UBR1: variants seen among roughly 807,000 people sequenced by gnomAD.
UBR1 encodes E3 ubiquitin-protein ligase UBR1.
In UBR1, 102 loss-of-function variants were observed where a neutral mutation model predicts 242.1. The observed-to-expected ratio is 0.42, with a 90% CI of 0.36 to 0.50. The LOEUF (loss-of-function observed/expected upper bound fraction) is 0.50, where lower values mean the gene tolerates loss of function less well. UBR1 is among the 20% of genes least tolerant of loss of function. UBR1 has a pLI of 0.01. For missense variants in UBR1, 1,772 were observed against 2,101.8 expected (o/e 0.84, Z 3.07); for synonymous variants, 675 against 684.8 (o/e 0.99, Z 0.22).
intron 15 of UBR1, among the ~76,000 whole-genome samples, chr15:43,041,183 G>C (rs975064975): frequency 1.3e-5 from 2 of 152,126 alleles, no homozygotes; most frequent in Non-Finnish European, 2.9e-5. Context: ...GCAAAGACTT[G>C]GAACCAACCC....
At position 43,007,125 on chromosome 15, in the gene UBR1, A is replaced by C; in HGVS notation, c.3369T>G (p.Ser1123=). 6.2e-7 allele frequency: 1 copy of C among 1,614,172 alleles called. No individual in the cohort carries two copies. The highest frequency in any genetic ancestry group is 8.5e-7 in the Non-Finnish European group (1 of 1,180,032). ...AMVLSACVQK[S]TALTQHRGKP... ...TTCCCCTGTGCTGGGTTAAGGCAGT[A>C]GATTTCTGGACACAGGCCGATAATA... Residue 1123 remains serine (S), a synonymous_variant, in exon 30 of 47, where the codon TCT becomes TCG. Coordinates refer to ENST00000290650, the MANE Select transcript of UBR1 (RefSeq NM_174916.3).
chr15:43,032,403 A>G (rs2033268697), intron 20 of UBR1, among the ~76,000 whole-genome samples, 165 bp downstream of exon 20: 1 of 152,228 alleles, frequency 6.6e-6, no homozygotes, highest in African/African-American at 2.4e-5. Context: ...AACATTTACA[A>G]ATCAGGTACT....
chr15:42,983,701 T>C (rs2032415872), intron 37 of UBR1, among the ~76,000 whole-genome samples, 196 bp downstream of exon 37: 1 of 148,188 alleles, frequency 6.7e-6, no homozygotes, highest in South Asian at 2.1e-4. Flanking sequence ...ATAATAATAA[T>C]ATCACAAGTT....
At chr15:43,003,666 T>C (rs574399302) in intron 31 of UBR1, among the ~76,000 whole-genome samples, 171 bp downstream of exon 31, 1 of 152,354 alleles carries the variant, frequency 6.6e-6, no homozygotes, top group East Asian at 1.9e-4. Context: ...CACACCACTT[T>C]CCAACTTTGA....
intron 43 of UBR1, among the ~76,000 whole-genome samples, chr15:42,960,268 C>T (rs1456867476): frequency 6.6e-6 from 1 of 152,106 alleles, no homozygotes; most frequent in African/African-American, 2.4e-5. Flanking sequence ...GTATATCTTG[C>T]TTTATTCTAA....
intron 30 of UBR1, among the ~76,000 whole-genome samples, chr15:43,006,016 C>T (rs1382373279): frequency 6.7e-6 from 1 of 148,368 alleles, no homozygotes; most frequent in African/African-American, 2.5e-5. Context: ...ATCTGCTGAC[C>T]TTCCCTCCAC....
intron 21 of UBR1, 112 bp downstream of exon 21, chr15:43,029,832 G>T: frequency 8.2e-7 from 1 of 1,219,108 alleles, no homozygotes. Context: ...ACATCTATAA[G>T]GTAATGATAT....
At chr15:43,055,368 A>G (rs1432793422) in intron 11 of UBR1, among the ~76,000 whole-genome samples, 2 of 151,902 alleles carry the variant, frequency 1.3e-5, no homozygotes, top group Non-Finnish European at 2.9e-5. Flanking sequence ...CGCTTGAACC[A>G]GGAGGCGGAG....
Position 42,944,952 on chromosome 15 carries a change from C to A in UBR1, c.*377G>T, listed in dbSNP as rs906846560. 3.1e-5 allele frequency: 8 copies of A among 258,784 alleles called. No homozygotes were observed. Among genetic ancestry groups the A allele is most frequent in the African/African-American group, 1.8e-4 (8 of 44,118 alleles). 16.0% of individuals were successfully genotyped at this position (258,784 alleles called of 1,614,324 possible). A position where few individuals can be genotyped will look rare whatever the true frequency, so the allele number is the denominator to read the frequency against. On this transcript the variant is annotated 3_prime_UTR_variant, in exon 47 of 47. Coordinates refer to ENST00000290650, the MANE Select transcript of UBR1 (RefSeq NM_174916.3). ...TGTCAGTGATCCAATGTCAGTTGAA[C>A]TAAACTTGGGGGGAAAACACCAAAT... is the stretch of plus-strand genomic sequence containing the variant.
At chr15:43,029,330 C>T (rs1230084039) in intron 21 of UBR1, among the ~76,000 whole-genome samples, 1 of 152,104 alleles carries the variant, frequency 6.6e-6, no homozygotes, top group Non-Finnish European at 1.5e-5. Flanking sequence ...GAGAATGTAC[C>T]TTGCAGACAT....
intron 44 of UBR1, among the ~76,000 whole-genome samples, chr15:42,957,764 A>G (rs765804165): frequency 6.6e-5 from 10 of 152,188 alleles, no homozygotes; most frequent in East Asian, 1.9e-4. Flanking sequence ...TAGTTTCACT[A>G]CTTGGGAGAT....
At chr15:43,016,324 A>G (rs1243642361) in intron 28 of UBR1, among the ~76,000 whole-genome samples, 2 of 152,152 alleles carry the variant, frequency 1.3e-5, no homozygotes, top group East Asian at 3.8e-4. Context: ...TTTCTATTCA[A>G]ATTTACATCG....
At chr15:42,971,858 A>G (rs781737386) in intron 39 of UBR1, among the ~76,000 whole-genome samples, 6 of 152,186 alleles carry the variant, frequency 3.9e-5, no homozygotes, top group Non-Finnish European at 7.3e-5. Context: ...TTTTTAATTA[A>G]TACACTTTAT....
Position 42,990,019 on chromosome 15 carries a change from T to C in UBR1, c.3848+11A>G. On this transcript the variant is annotated intron_variant, in intron 34 of 46. Coordinates refer to ENST00000290650, the MANE Select transcript of UBR1 (RefSeq NM_174916.3). ...CATTTACAAAGTTCTCTTAACTATT[T>C]AGATACTTACGAAGACTCAACGCCA... 3.8e-6 allele frequency: 6 copies of C among 1,592,060 alleles called. No individual in the cohort carries two copies. Among genetic ancestry groups the C allele is most frequent in the Middle Eastern group, 1.7e-4 (1 of 5,960 alleles).
At chr15:43,069,554 C>T (rs1369521045) in intron 5 of UBR1, among the ~76,000 whole-genome samples, 2 of 152,234 alleles carry the variant, frequency 1.3e-5, no homozygotes, top group African/African-American at 2.4e-5. Flanking sequence ...GGATTACAGG[C>T]GTGAGCCGCC....
At chr15:43,054,979 T>C in intron 11 of UBR1, 80 bp from the exon 12 acceptor site, 1 of 1,462,818 alleles carries the variant, frequency 6.8e-7, no homozygotes, top group Non-Finnish European at 9.5e-7. Context: ...ATTTGGTTAG[T>C]CAGTATGTCA....
At chr15:42,951,784 A>G (rs1329118366) in intron 45 of UBR1, among the ~76,000 whole-genome samples, 1 of 151,592 alleles carries the variant, frequency 6.6e-6, no homozygotes. Context: ...ATGCCTGGCT[A>G]ATTTTTTATA....
intron 23 of UBR1, 172 bp from the exon 24 acceptor site, chr15:43,025,601 T>C: frequency 3.3e-6 from 2 of 600,662 alleles, no homozygotes; most frequent in Admixed American, 2.9e-5. Flanking sequence ...AGAAACCTAA[T>C]GCAAAATAGA....
intron 24 of UBR1, 52 bp downstream of exon 24, chr15:43,025,329 T>C (rs1172835055): frequency 6.4e-7 from 1 of 1,551,018 alleles, no homozygotes; most frequent in South Asian, 1.1e-5. Flanking sequence ...TTTGCTGATG[T>C]GAAACCACAG....
Sources: allele counts gnomAD v4.1 joint callset (sites outside exome capture counted in the v4.1 genomes callset), GRCh38; gene constraint gnomAD v4.1.1; transcripts MANE v1.5; gene names NCBI Gene and HGNC (gene_info 2026-07-23, HGNC 2026-07-21).